Variants in RBFOX1 observed in about 807,000 individuals in gnomAD.
RBFOX1 encodes the protein RNA binding fox-1 homolog 1.
In RBFOX1, 8 loss-of-function variants were observed where a neutral mutation model predicts 57.7. The observed-to-expected ratio is 0.14, with a 90% CI of 0.08 to 0.25. The LOEUF (loss-of-function observed/expected upper bound fraction) is 0.25. Among genes scored for constraint, RBFOX1 ranks in the 10% least tolerant of loss-of-function variants. The pLI, the probability that RBFOX1 is intolerant of heterozygous loss-of-function variation, is 1.00. For synonymous variants in RBFOX1, 326 were observed against 222.4 expected, an observed-to-expected ratio of 1.47 and a Z score of -4.15; for missense variants, 611 against 548.5, an observed-to-expected ratio of 1.11 and a Z score of -1.14.
At chr16:7,076,629 T>A (rs2058348166) in intron 4 of RBFOX1, among the ~76,000 whole-genome samples, 1 of 152,156 alleles carries the variant, frequency 6.6e-6, no homozygotes, top group South Asian at 2.1e-4. Context: ...GCACATGAAA[T>A]TTTTTTCCTC....
chr16:6,563,028 C>G (rs1357669278), intron 2 of RBFOX1, among the ~76,000 whole-genome samples: 1 of 151,884 alleles, frequency 6.6e-6, no homozygotes, highest in African/African-American at 2.4e-5. Flanking sequence ...TGTTCAATGT[C>G]ATTTGCACAA....
Position 6,590,744 on chromosome 16 carries a change from T to A in RBFOX1, c.-63-63859T>A, listed in dbSNP as rs146828911. On this transcript the variant is annotated intron_variant, in intron 2 of 15. Transcript: ENST00000550418. ...TTGACGGTCGTACATTTCCTCAACT[T>A]AGCTGTCCGTGAAGGGTGTTGGGAT... Among the ~76,000 whole-genome samples the A allele has an allele frequency of 3.4e-3, 511 of 152,304 alleles. 17 individuals carry two copies. The South Asian group carries it at 0.084, about 25-fold the overall frequency.
intron 4 of RBFOX1, among the ~76,000 whole-genome samples, chr16:7,357,412 G>A (rs1393246622): frequency 1.3e-5 from 2 of 152,126 alleles, no homozygotes; most frequent in African/African-American, 2.4e-5. Context: ...AGAGCAGAGT[G>A]GTGGTGAGGT....
chr16:7,119,440 A>T (rs1008964594), intron 4 of RBFOX1, among the ~76,000 whole-genome samples: 2 of 152,130 alleles, frequency 1.3e-5, no homozygotes, highest in African/African-American at 4.8e-5. Flanking sequence ...TGGCAGACAG[A>T]ACTAGTAAAC....
At chr16:7,378,735 C>G (rs117531720) in intron 4 of RBFOX1, among the ~76,000 whole-genome samples, 1 of 152,164 alleles carries the variant, frequency 6.6e-6, no homozygotes, top group Non-Finnish European at 1.5e-5. Flanking sequence ...GAGCTTTCTG[C>G]TGCTTTTCTC....
At chr16:6,010,424 G>A (rs189012174) in intron 4 of RBFOX1, among the ~76,000 whole-genome samples, 36 of 152,306 alleles carry the variant, frequency 2.4e-4, no homozygotes, top group Middle Eastern at 3.4e-3. Context: ...TAATTTCCAG[G>A]TACCCACAGT....
intron 3 of RBFOX1, among the ~76,000 whole-genome samples, chr16:6,730,422 C>T (rs529763913): frequency 1.4e-5 from 2 of 139,706 alleles, no homozygotes; most frequent in East Asian, 4.4e-4. Context: ...CTCTCTATCT[C>T]ATCTATATCT....
chr16:7,273,726 C>G (rs1158812975), intron 4 of RBFOX1, among the ~76,000 whole-genome samples: 1 of 152,184 alleles, frequency 6.6e-6, no homozygotes, highest in Admixed American at 6.5e-5. Flanking sequence ...GTAATTTTAT[C>G]TAAATTCCCC....
At chr16:5,993,831 G>C (rs879535803) in intron 4 of RBFOX1, among the ~76,000 whole-genome samples, 1 of 152,130 alleles carries the variant, frequency 6.6e-6, no homozygotes. Flanking sequence ...GTTAAATACT[G>C]TGCTTGTAAT....
chr16:6,043,763 A>C (rs1369585162), intron 1 of RBFOX1, among the ~76,000 whole-genome samples: 1 of 151,998 alleles, frequency 6.6e-6, no homozygotes, highest in Non-Finnish European at 1.5e-5. Context: ...CTGCCCTTTG[A>C]TTGTCAGCTG....
chr16:7,182,491 A>C (rs1471670813), intron 4 of RBFOX1, among the ~76,000 whole-genome samples: 1 of 152,118 alleles, frequency 6.6e-6, no homozygotes, highest in African/African-American at 2.4e-5. Context: ...CCTTGTTTTT[A>C]CCATTTTCTA....
At chr16:6,887,822 C>T (rs2064460268) in intron 3 of RBFOX1, among the ~76,000 whole-genome samples, 1 of 152,066 alleles carries the variant, frequency 6.6e-6, no homozygotes, top group South Asian at 2.1e-4. Context: ...GTCACCACAC[C>T]TGGCTAATTT....
chr16:7,576,548 C>G (rs2093354593), intron 5 of RBFOX1, among the ~76,000 whole-genome samples: 2 of 152,234 alleles, frequency 1.3e-5, no homozygotes, highest in South Asian at 4.1e-4. Flanking sequence ...TTCTCCATAA[C>G]AGTTTATACG....
chr16:6,746,076 A>G (rs1387233540), intron 3 of RBFOX1, among the ~76,000 whole-genome samples: 1 of 152,222 alleles, frequency 6.6e-6, no homozygotes, highest in Non-Finnish European at 1.5e-5. Context: ...AAGATATGCC[A>G]GTCCTATACC....
intron 1 of RBFOX1, among the ~76,000 whole-genome samples, chr16:6,312,261 G>A (rs1257628846): frequency 6.6e-6 from 1 of 152,170 alleles, no homozygotes; most frequent in Non-Finnish European, 1.5e-5. Flanking sequence ...GTCCCAGGAA[G>A]AACCAGCATT....
rs142875317 is a variant in RBFOX1, at chr16:5,582,322, G to A, written c.259-16580G>A. Among the ~76,000 whole-genome samples the A allele has an allele frequency of 2.4e-3, 360 of 152,234 alleles. 1 individual carries two copies. Among genetic ancestry groups the A allele is most frequent in the African/African-American group, 8.4e-3 (347 of 41,548 alleles). ...AAAGAGTGCAGTGACACGGCTTAGC[G>A]AAGTTGGGCTCACCTTCCACACAGG... is the stretch of plus-strand genomic sequence containing the variant. On this transcript the variant is annotated intron_variant, in intron 2 of 2. Transcript: ENST00000585867.
intron 2 of RBFOX1, among the ~76,000 whole-genome samples, chr16:6,588,829 C>A (rs1035313260): frequency 1.1e-4 from 17 of 152,128 alleles, no homozygotes; most frequent in African/African-American, 4.1e-4. Context: ...GCTCCCCAGG[C>A]CATGCTGTCT....
intron 4 of RBFOX1, among the ~76,000 whole-genome samples, chr16:7,071,380 G>C (rs2057299668): frequency 6.6e-6 from 1 of 152,142 alleles, no homozygotes; most frequent in Admixed American, 6.5e-5. Context: ...TGTTAGAAAA[G>C]CGCAGAGGAG....
chr16:6,219,593 G>A (rs899126292), intron 1 of RBFOX1, among the ~76,000 whole-genome samples: 1 of 152,076 alleles, frequency 6.6e-6, no homozygotes, highest in African/African-American at 2.4e-5. Context: ...AATGAGAATA[G>A]GCTGAGCGTG....
Sources: gnomAD v4.1 joint callset for allele counts (sites outside exome capture counted in the v4.1 genomes callset) on GRCh38, gnomAD v4.1.1 for gene constraint, MANE v1.5 for transcripts, NCBI Gene and HGNC (gene_info 2026-07-23, HGNC 2026-07-21) for gene names.